Variants in GPC5 observed in about 807,000 individuals in gnomAD.
The protein encoded by GPC5 is glypican 5.
A neutral mutation model predicts 53.9 loss-of-function variants in GPC5; 47 were observed. The ratio of observed to expected loss-of-function variants is 0.87; its 90% CI spans 0.69 to 1.11. The LOEUF is 1.11. Among genes scored for constraint, GPC5 ranks in the 50% most tolerant of loss-of-function variants. The pLI is 0.00. For synonymous variants in GPC5, 286 were observed against 263.3 expected (o/e 1.09, Z -0.84); for missense variants, 748 against 713.1 (o/e 1.05, Z -0.56).
At chr13:91,796,828 T>C (rs1404501711) in intron 5 of GPC5, among the ~76,000 whole-genome samples, 1 of 152,202 alleles carries the variant, frequency 6.6e-6, no homozygotes, top group African/African-American at 2.4e-5. Flanking sequence ...TTCTGCTTTA[T>C]TTGAATGAAA....
At chr13:91,599,648 T>C (rs2033112362) in intron 2 of GPC5, among the ~76,000 whole-genome samples, 1 of 152,208 alleles carries the variant, frequency 6.6e-6, no homozygotes, top group African/African-American at 2.4e-5. Flanking sequence ...GTAGTGAAAT[T>C]AATTTACATA....
rs571804197 is a variant in GPC5, at chr13:92,456,150, G to C, written c.1561+311161G>C. On this transcript the variant is annotated intron_variant, in intron 7 of 7. Coordinates refer to ENST00000377067, the MANE Select transcript of GPC5 (RefSeq NM_004466.6). ...ATTAAAGTGTTGATGTCGGCCAAAA[G>C]TTGATTTTCCCAGATAGTGACTGCC... is the stretch of plus-strand genomic sequence containing the variant. 6.5e-3 allele frequency among the ~76,000 whole-genome samples: 985 copies of C among 152,028 alleles called. 5 individuals are homozygous for C. Among genetic ancestry groups the C allele is most frequent in the Non-Finnish European group, 8.2e-3 (559 of 67,968 alleles).
chr13:91,659,802 C>T (rs1340026688), intron 2 of GPC5, among the ~76,000 whole-genome samples: 1 of 152,156 alleles, frequency 6.6e-6, no homozygotes, highest in Non-Finnish European at 1.5e-5. Flanking sequence ...TGTGTAACAC[C>T]CTCCACTTGA....
Position 92,208,689 on chromosome 13 carries a change from G to T in GPC5, c.1561+63700G>T, listed in dbSNP as rs372307946. Among the ~76,000 whole-genome samples the T allele has an allele frequency of 8.5e-5, 13 of 152,188 alleles. No homozygotes were observed. The East Asian group carries it at 1.9e-3, about 23-fold the overall frequency. On this transcript the variant is annotated intron_variant, in intron 7 of 7. Transcript: ENST00000377067. Reference sequence around the variant, plus strand: ...AGGAATTTTTCATAAAGATGAAAGGGTCGCTCTACCATAATGACATGACAT... The same window carrying T: ...AGGAATTTTTCATAAAGATGAAAGGTTCGCTCTACCATAATGACATGACAT...
At position 92,358,804 on chromosome 13, in the gene GPC5, C is replaced by T. The variant is rs982188556; in HGVS notation, c.1561+213815C>T. ...AATGTCTTGAGGTTGTTTAGGGCAG[C>T]GGGGCCCTGGGCCCAGTCCATGAAA... On this transcript the variant is annotated intron_variant, in intron 7 of 7. Coordinates refer to ENST00000377067, the MANE Select transcript of GPC5 (RefSeq NM_004466.6). Among the ~76,000 whole-genome samples, 39 of 151,802 alleles carry T rather than the reference C, an allele frequency of 2.6e-4. 1 individual carries two copies. The highest frequency in any genetic ancestry group is 5.1e-4 in the African/African-American group (21 of 41,066).
chr13:91,523,330 T>C (rs1400956611), intron 2 of GPC5, among the ~76,000 whole-genome samples: 2 of 152,206 alleles, frequency 1.3e-5, no homozygotes, highest in African/African-American at 4.8e-5. Context: ...AGCTAAGGCA[T>C]GGAAACAACC....
At chr13:91,527,727 T>A (rs1283774289) in intron 2 of GPC5, among the ~76,000 whole-genome samples, 2 of 152,226 alleles carry the variant, frequency 1.3e-5, no homozygotes, top group Non-Finnish European at 2.9e-5. Context: ...TGTCTGGACA[T>A]CCAGGCATTT....
chr13:91,587,821 G>T (rs928943193), intron 2 of GPC5, among the ~76,000 whole-genome samples: 1 of 152,162 alleles, frequency 6.6e-6, no homozygotes, highest in South Asian at 2.1e-4. Flanking sequence ...TCATGAAAGA[G>T]AGTTTTATGG....
intron 2 of GPC5, among the ~76,000 whole-genome samples, chr13:91,657,143 G>A (rs536062945): frequency 2.6e-5 from 4 of 152,174 alleles, no homozygotes; most frequent in Non-Finnish European, 4.4e-5. Flanking sequence ...GATCATACTG[G>A]CAGGAGAAAG....
intron 7 of GPC5, among the ~76,000 whole-genome samples, chr13:92,500,544 A>T (rs1024283752): frequency 1.3e-5 from 2 of 152,174 alleles, no homozygotes; most frequent in Non-Finnish European, 2.9e-5. Flanking sequence ...CTCAAAGAGG[A>T]TTAGGCTGCC....
At chr13:91,960,781 A>G (rs2040119116) in intron 6 of GPC5, among the ~76,000 whole-genome samples, 1 of 152,004 alleles carries the variant, frequency 6.6e-6, no homozygotes, top group Non-Finnish European at 1.5e-5. Context: ...TGTATTTTTG[A>G]TAGAGGTGTC....
rs71123419 is a variant in GPC5 at position 92,628,264 on chromosome 13, C to CTTTTTTTTTTTTTTTTTTTTTTTTTTTT, written c.1562-238016_1562-237989dup. The stretch of plus-strand genomic sequence containing the variant: ...TTTTCTTTTCTTTTTCTTTTTCTTT[C>CTTTTTTTTTTTTTTTTTTTTTTTTTTTT]TTTTTTTTTTTTTTTTTTTTTTTTT... On this transcript the variant is annotated intron_variant, in intron 7 of 7. Coordinates refer to ENST00000377067, the MANE Select transcript of GPC5 (RefSeq NM_004466.6). 7.5e-3 allele frequency among the ~76,000 whole-genome samples: 341 copies of CTTTTTTTTTTTTTTTTTTTTTTTTTTTT among 45,372 alleles called. 51 individuals carry two copies. The highest frequency in any genetic ancestry group is 8.3e-3 in the Non-Finnish European group (191 of 23,138). The allele number at this position is 45,372 out of a possible 152,430, so 29.8% of individuals were successfully genotyped here. A position where few individuals can be genotyped will look rare whatever the true frequency, so the allele number is the denominator to read the frequency against.
intron 7 of GPC5, among the ~76,000 whole-genome samples, chr13:92,699,685 T>A (rs1017163825): frequency 1.2e-4 from 18 of 152,150 alleles, no homozygotes; most frequent in African/African-American, 4.3e-4. Flanking sequence ...TTCGTTATTT[T>A]CCCAGTAGTC....
At chr13:92,521,729 T>C (rs998689163) in intron 7 of GPC5, among the ~76,000 whole-genome samples, 5 of 152,190 alleles carry the variant, frequency 3.3e-5, no homozygotes, top group African/African-American at 7.2e-5. Flanking sequence ...AAGGACTTCA[T>C]GTCTAAAACA....
chr13:92,736,977 C>T (rs1888953206), intron 7 of GPC5, among the ~76,000 whole-genome samples: 1 of 151,866 alleles, frequency 6.6e-6, no homozygotes. Context: ...TGAGCTGGGC[C>T]TAAGGTTTTA....
chr13:91,805,921 G>A (rs183525705), intron 5 of GPC5, among the ~76,000 whole-genome samples: 18 of 151,106 alleles, frequency 1.2e-4, no homozygotes, highest in African/African-American at 4.4e-4. Context: ...TTGTTTTTTA[G>A]CAGTGGACTA....
chr13:91,726,688 C>A (rs1453340733), intron 3 of GPC5, among the ~76,000 whole-genome samples: 1 of 152,156 alleles, frequency 6.6e-6, no homozygotes, highest in Non-Finnish European at 1.5e-5. Flanking sequence ...AAATCCATAT[C>A]CAAGTGCTAC....
In GPC5 at chr13:92,866,552, A is replaced by G; in HGVS notation, c.*113A>G. 1 of 904,616 alleles carries G rather than the reference A, an allele frequency of 1.1e-6. No individual in the cohort carries two copies. Among genetic ancestry groups the G allele is most frequent in the Non-Finnish European group, 1.6e-6 (1 of 636,848 alleles). 56.0% of individuals were successfully genotyped at this position (904,616 alleles called of 1,614,324 possible). On this transcript the variant is annotated 3_prime_UTR_variant, in exon 8 of 8. Transcript: ENST00000377067. ...GTAACAATTATATTTATGAAAAGAT[A>G]TGTTACACTAACTTCTCAGAAGCCA...
At chr13:92,596,944 G>C (rs1883901446) in intron 7 of GPC5, among the ~76,000 whole-genome samples, 1 of 152,176 alleles carries the variant, frequency 6.6e-6, no homozygotes, top group African/African-American at 2.4e-5. Context: ...AAGATCCACA[G>C]CCCTGAAGGT....
Sources: gnomAD v4.1 joint callset for allele counts (sites outside exome capture counted in the v4.1 genomes callset) on GRCh38, gnomAD v4.1.1 for gene constraint, MANE v1.5 for transcripts, NCBI Gene and HGNC (gene_info 2026-07-23, HGNC 2026-07-21) for gene names.